Variants in FAM193B observed in about 807,000 individuals in gnomAD.
The protein encoded by FAM193B is protein FAM193B.
FAM193B carries 27 observed loss-of-function variants against 70.7 expected under a neutral mutation model. The observed-to-expected ratio is 0.38, with a 90% CI of 0.28 to 0.53. The LOEUF (loss-of-function observed/expected upper bound fraction) is 0.53, where lower values mean the gene tolerates loss of function less well. FAM193B is among the 20% of genes least tolerant of loss of function. FAM193B has a pLI of 0.81. For synonymous variants in FAM193B, 448 were observed against 436.0 expected, an observed-to-expected ratio of 1.03 and a Z score of -0.34; for missense variants, 1,022 against 1,072.5, an observed-to-expected ratio of 0.95 and a Z score of 0.66.
At chr5:177,527,286 AAAG>A (rs1237499176) in intron 5 of FAM193B, among the ~76,000 whole-genome samples, 2 of 152,196 alleles carry the variant, frequency 1.3e-5, no homozygotes, top group African/African-American at 4.8e-5. Flanking sequence ...GGAAGGTCAG[AAAG>A]GAGAGGCTGA....
intron 1 of FAM193B, chr5:177,553,880 G>A (rs1766661807): frequency 5.0e-5 from 62 of 1,241,552 alleles, no homozygotes; most frequent in Non-Finnish European, 6.4e-5. Context: ...GCCCCGAGAT[G>A]GCCTGTGGCT....
At chr5:177,542,675 T>C (rs1397263770) in intron 1 of FAM193B, among the ~76,000 whole-genome samples, 1 of 152,262 alleles carries the variant, frequency 6.6e-6, no homozygotes, top group Non-Finnish European at 1.5e-5. Context: ...GTTTTTCCAA[T>C]GACTAGCTGA....
chr5:177,535,919 C>T (rs1313973089), intron 4 of FAM193B, among the ~76,000 whole-genome samples: 1 of 73,860 alleles, frequency 1.4e-5, no homozygotes, highest in African/African-American at 5.4e-5. Context: ...ACCCCACATA[C>T]TATTTTTTTT....
rs116402279 is a variant in FAM193B, at chr5:177,546,791, G to C, written c.210+7458C>G. Reference sequence around the variant, plus strand: ...TGGTTGTACAAGCTCGGTTGGGAGTGAGTCTCTCTGATCCTAGTGACCTTA... The same window carrying C: ...TGGTTGTACAAGCTCGGTTGGGAGTCAGTCTCTCTGATCCTAGTGACCTTA... On this transcript the variant is annotated intron_variant, in intron 1 of 8. Coordinates refer to ENST00000514747, the MANE Select transcript of FAM193B (RefSeq NM_001190946.3). 6.9e-3 allele frequency among the ~76,000 whole-genome samples: 1,045 copies of C among 152,314 alleles called. 10 individuals are homozygous for C. Among genetic ancestry groups the C allele is most frequent in the African/African-American group, 0.023 (941 of 41,562 alleles).
At chr5:177,525,618 A>G (rs1762476203) in intron 5 of FAM193B, 1 of 164,284 alleles carries the variant, frequency 6.1e-6, no homozygotes, top group African/African-American at 2.4e-5. Flanking sequence ...GTGTGGGGGT[A>G]GATGAGATTA....
At chr5:177,540,225 T>C (rs1027975936) in intron 1 of FAM193B, among the ~76,000 whole-genome samples, 3 of 150,688 alleles carry the variant, frequency 2.0e-5, no homozygotes, top group Non-Finnish European at 4.4e-5. Context: ...GAGAATCGCT[T>C]GAACCTGGGA....
chr5:177,529,673 A>G (rs1763156767), intron 5 of FAM193B, among the ~76,000 whole-genome samples: 1 of 152,204 alleles, frequency 6.6e-6, no homozygotes, highest in Non-Finnish European at 1.5e-5. Context: ...GTCAGAAGAA[A>G]AGGTGAGAGA....
chr5:177,522,589 C>T (rs971892651), intron 7 of FAM193B, among the ~76,000 whole-genome samples: 8 of 151,524 alleles, frequency 5.3e-5, no homozygotes, highest in African/African-American at 1.7e-4. Flanking sequence ...ATCCTCCCAC[C>T]TTGGCCTTCC....
At chr5:177,540,131 C>T (rs2127476728) in intron 1 of FAM193B, among the ~76,000 whole-genome samples, 1 of 151,930 alleles carries the variant, frequency 6.6e-6, no homozygotes, top group African/African-American at 2.4e-5. Context: ...ACAGTGAAAC[C>T]CCGTCTCCAC....
At chr5:177,520,325 C>T (rs996157481) in intron 8 of FAM193B, 144 bp from the exon 9 acceptor site, 5 of 152,210 alleles carry the variant, frequency 3.3e-5, no homozygotes, top group Non-Finnish European at 5.9e-5. Context: ...GTTGAAGATT[C>T]CCTGGATCAC....
Position 177,524,735 on chromosome 5 carries a change from C to A in FAM193B, c.1746G>T (p.Gly582=). The change falls in exon 6 of 9, where the codon GGG becomes GGT. Residue 582 remains glycine (G), a synonymous_variant. Coordinates refer to ENST00000514747, the MANE Select transcript of FAM193B (RefSeq NM_001190946.3). ...GPPPGIVPEN[G]LVRRLNTVPN... ...GCACGGTGTTGAGTCTCCTCACGAG[C>A]CCGTTCTCGGGGACGATACCGGGAG... is the stretch of plus-strand genomic sequence containing the variant. The A allele has an allele frequency of 6.5e-7, 1 of 1,549,680 alleles. No individual in the cohort carries two copies. Among genetic ancestry groups the A allele is most frequent in the South Asian group, 1.2e-5 (1 of 80,676 alleles).
chr5:177,544,974 T>C (rs1765238026), intron 1 of FAM193B, among the ~76,000 whole-genome samples: 1 of 152,204 alleles, frequency 6.6e-6, no homozygotes, highest in African/African-American at 2.4e-5. Flanking sequence ...TACAGAAGCA[T>C]ATATGAGAAG....
At chr5:177,528,816 G>A (rs1369783782) in intron 5 of FAM193B, among the ~76,000 whole-genome samples, 9 of 152,180 alleles carry the variant, frequency 5.9e-5, no homozygotes, top group Admixed American at 1.3e-4. Context: ...CTGGCGACAC[G>A]GGAACTCGGC....
At chr5:177,529,356 G>A (rs1329762045) in intron 5 of FAM193B, among the ~76,000 whole-genome samples, 1 of 151,992 alleles carries the variant, frequency 6.6e-6, no homozygotes, top group African/African-American at 2.4e-5. Context: ...TTGGTGGAGA[G>A]CCAGACTGTG....
At chr5:177,520,519 G>A (rs902345786) in intron 8 of FAM193B, among the ~76,000 whole-genome samples, 2 of 152,210 alleles carry the variant, frequency 1.3e-5, no homozygotes, top group East Asian at 1.9e-4. Context: ...GCCCGGGGGA[G>A]GGTGAAGAGG....
Position 177,536,677 on chromosome 5 carries a change from C to T in FAM193B, c.757G>A (p.Gly253Ser), listed in dbSNP as rs780445851. 2.5e-5 allele frequency: 39 copies of T among 1,555,538 alleles called. No homozygotes were observed. The highest frequency in any genetic ancestry group is 1.5e-4 in the Admixed American group (7 of 48,126). The change falls in exon 4 of 9, where the codon GGC (glycine) becomes AGC (serine). Residue 253 changes from glycine to serine, a missense_variant. Coordinates refer to ENST00000514747, the MANE Select transcript of FAM193B (RefSeq NM_001190946.3). ...AGAGATGCTGGCTGCGGGTGGTGGC[C>T]GGTGGGGCTGTTAGGGGGAGCAGTG... ...DLTAPPNSPT[G>S]HHPQPASLIP...
At chr5:177,521,820 T>A (rs28491669) in intron 8 of FAM193B, among the ~76,000 whole-genome samples, 154 bp downstream of exon 8, 151,042 of 152,312 alleles carry the variant, frequency 0.99, 74,916 homozygotes, top group East Asian at 1. Context: ...GGCTGTAGCC[T>A]GCCATTGCTG....
chr5:177,544,733 T>C (rs895326280), intron 1 of FAM193B, among the ~76,000 whole-genome samples: 7 of 152,212 alleles, frequency 4.6e-5, no homozygotes, highest in Admixed American at 3.9e-4. Context: ...CAAAATCCAG[T>C]GAGCCTATTT....
rs1766822564 is a variant in FAM193B, at chr5:177,554,527, G to GCCGCTA, written c.-75_-70dup. ...CGCCGCCGCCGCCGCCGCCGCCGCC[G>GCCGCTA]CCGCTACCGCTCCCCTCACAGGACA... On this transcript the variant is annotated 5_prime_UTR_variant, in exon 1 of 9. Coordinates refer to ENST00000514747, the MANE Select transcript of FAM193B (RefSeq NM_001190946.3). The GCCGCTA allele has an allele frequency of 2.2e-6, 2 of 905,804 alleles. No individual in the cohort carries two copies. Among genetic ancestry groups the GCCGCTA allele is most frequent in the East Asian group, 1.0e-4 (1 of 9,884 alleles). The allele number at this position is 905,804 out of a possible 1,614,324, so 56.1% of individuals were successfully genotyped here.
Sources: gnomAD v4.1 joint callset for allele counts (sites outside exome capture counted in the v4.1 genomes callset) on GRCh38, gnomAD v4.1.1 for gene constraint, MANE v1.5 for transcripts, NCBI Gene and HGNC (gene_info 2026-07-23, HGNC 2026-07-21) for gene names.